The following SAXO1 variants were observed in gnomAD, a reference collection of about 807,000 sequenced individuals.
SAXO1 encodes stabilizer of axonemal microtubules 1, also known as 4930500O09Rik.
In SAXO1, 21 loss-of-function variants were observed where a neutral mutation model predicts 17.5. The ratio of observed to expected loss-of-function variants is 1.20; its 90% CI spans 0.85 to 1.72. SAXO1 has a LOEUF of 1.72. Among genes scored for constraint, SAXO1 ranks in the 40% most tolerant of loss-of-function variants. The pLI is 0.00. For synonymous variants in SAXO1, 274 were observed against 216.5 expected (o/e 1.27, Z -2.33); for missense variants, 843 against 596.0 (o/e 1.41, Z -4.32).
At position 18,941,846 on chromosome 9, in the gene SAXO1, G is replaced by T. The variant is rs1277226656; in HGVS notation, c.219-7C>A. On this transcript the variant is annotated splice_region_variant and splice_polypyrimidine_tract_variant and intron_variant, in intron 2 of 3. Coordinates refer to ENST00000380534, the MANE Select transcript of SAXO1 (RefSeq NM_153707.4). ...GTGAGGCCCAAAATCTCTCCTGTAA[G>T]GAAGCAAGTGCATGCTGTTGGGGTC... is the stretch of plus-strand genomic sequence containing the variant. 1 of 1,614,090 alleles carries T rather than the reference G, an allele frequency of 6.2e-7. No individual in the cohort carries two copies. The highest frequency in any genetic ancestry group is 1.1e-5 in the South Asian group (1 of 91,078).
chr9:19,017,684 C>T (rs1225511622), intron 1 of SAXO1, among the ~76,000 whole-genome samples: 1 of 152,254 alleles, frequency 6.6e-6, no homozygotes, highest in African/African-American at 2.4e-5. Flanking sequence ...GTTACTTCAA[C>T]CAAGAATCCT....
At chr9:19,037,710 C>T (rs558021934), upstream of SAXO1, among the ~76,000 whole-genome samples, 60 of 152,288 alleles carry the variant, frequency 3.9e-4, no homozygotes, top group Middle Eastern at 3.4e-3. Context: ...TTGACTAATA[C>T]ACCATCTAAA....
At chr9:19,033,478 G>A (rs1434309487), upstream of SAXO1, among the ~76,000 whole-genome samples, 1 of 152,252 alleles carries the variant, frequency 6.6e-6, no homozygotes, top group African/African-American at 2.4e-5. Flanking sequence ...CACCTTGGGT[G>A]GCATTTGCTA....
intron 1 of SAXO1, among the ~76,000 whole-genome samples, chr9:18,972,037 T>C (rs936664548): frequency 6.6e-6 from 1 of 152,232 alleles, no homozygotes; most frequent in Non-Finnish European, 1.5e-5. Flanking sequence ...TTTTGGTTTA[T>C]ATGTTTTCAT....
At chr9:18,948,689 G>A (rs1297738465) in intron 2 of SAXO1, among the ~76,000 whole-genome samples, 1 of 152,064 alleles carries the variant, frequency 6.6e-6, no homozygotes, top group Non-Finnish European at 1.5e-5. Context: ...TAGGTGTTGG[G>A]GCAGGTCTTC....
In SAXO1 at chr9:18,966,709, TTTG is replaced by T. The variant is rs368108997; in HGVS notation, c.39-15775_39-15773del. The stretch of plus-strand genomic sequence containing the variant: ...AACATGCTCCTTTGTCTTGGAAGAG[TTTG>T]TTATTATTCACCTTCTGAAGCCTAC... On this transcript the variant is annotated intron_variant, in intron 1 of 3. Coordinates refer to ENST00000380534, the MANE Select transcript of SAXO1 (RefSeq NM_153707.4). Among the ~76,000 whole-genome samples the T allele has an allele frequency of 1.4e-3, 211 of 152,232 alleles. 2 individuals are homozygous for T. Among genetic ancestry groups the T allele is most frequent in the South Asian group, 9.1e-3 (44 of 4,822 alleles).
At chr9:18,936,995 C>G (rs1338411395) in intron 3 of SAXO1, among the ~76,000 whole-genome samples, 1 of 152,072 alleles carries the variant, frequency 6.6e-6, no homozygotes, top group Non-Finnish European at 1.5e-5. Flanking sequence ...TAGATGGCAC[C>G]CACTGAAACA....
At chr9:19,034,577 A>C (rs903010434), upstream of SAXO1, among the ~76,000 whole-genome samples, 12 of 152,204 alleles carry the variant, frequency 7.9e-5, no homozygotes, top group Non-Finnish European at 2.9e-5. Flanking sequence ...ACAGAGAGAG[A>C]GTTCCAACCC....
chr9:18,957,376 T>C (rs915228702), intron 1 of SAXO1, among the ~76,000 whole-genome samples: 3 of 152,198 alleles, frequency 2.0e-5, no homozygotes, highest in Non-Finnish European at 4.4e-5. Context: ...AGTATACAGA[T>C]GTGGATGCTG....
chr9:18,999,880 C>G (rs1446773835), intron 1 of SAXO1, among the ~76,000 whole-genome samples: 1 of 145,336 alleles, frequency 6.9e-6, no homozygotes, highest in Admixed American at 6.8e-5. Flanking sequence ...AGGAGTGCCT[C>G]TACCCAGCCG....
intron 1 of SAXO1, among the ~76,000 whole-genome samples, chr9:19,017,632 T>C (rs531992730): frequency 6.6e-6 from 1 of 152,368 alleles, no homozygotes; most frequent in African/African-American, 2.4e-5. Context: ...TTCTGCAAAC[T>C]GCCCCACAGC....
At chr9:19,022,454 G>A (rs1835286425) in intron 1 of SAXO1, among the ~76,000 whole-genome samples, 1 of 152,194 alleles carries the variant, frequency 6.6e-6, no homozygotes, top group South Asian at 2.1e-4. Context: ...TGTGAAGCAA[G>A]ATAAAGAACA....
intron 1 of SAXO1, among the ~76,000 whole-genome samples, chr9:19,006,938 G>C (rs969248404): frequency 6.6e-6 from 1 of 152,036 alleles, no homozygotes; most frequent in Non-Finnish European, 1.5e-5. Flanking sequence ...CCAGTTACTC[G>C]GGAGGCTGAT....
chr9:18,947,073 G>T (rs1487585391), intron 2 of SAXO1, among the ~76,000 whole-genome samples: 4 of 152,188 alleles, frequency 2.6e-5, no homozygotes, highest in Non-Finnish European at 5.9e-5. Context: ...ATACAGTATA[G>T]ACAATTCAAA....
intron 1 of SAXO1, among the ~76,000 whole-genome samples, chr9:19,009,246 T>A (rs1834619449): frequency 6.6e-6 from 1 of 151,244 alleles, no homozygotes; most frequent in African/African-American, 2.4e-5. Context: ...CTGCCAAATT[T>A]AAAAAAAAAA....
At chr9:19,030,265 G>A (rs770939188) in intron 1 of SAXO1, among the ~76,000 whole-genome samples, 18 of 152,054 alleles carry the variant, frequency 1.2e-4, no homozygotes, top group Non-Finnish European at 2.4e-4. Flanking sequence ...TCATGTAAGG[G>A]AATCATGGGA....
intron 1 of SAXO1, among the ~76,000 whole-genome samples, chr9:19,020,437 C>T (rs562052772): frequency 5.9e-5 from 9 of 152,068 alleles, no homozygotes; most frequent in African/African-American, 1.4e-4. Flanking sequence ...CTGCAACCTC[C>T]GCCTCCAAGG....
chr9:18,970,181 T>C (rs2225127), intron 1 of SAXO1, among the ~76,000 whole-genome samples: 24,240 of 152,208 alleles, frequency 0.16, 3,946 homozygotes, highest in African/African-American at 0.42. Context: ...GATGTTTGGC[T>C]TGATGTGTGA....
chr9:18,953,187 G>A (rs902686489), intron 1 of SAXO1, among the ~76,000 whole-genome samples: 51 of 152,186 alleles, frequency 3.4e-4, no homozygotes, highest in African/African-American at 1.2e-3. Flanking sequence ...GAAAAGTCAA[G>A]ATTTTATTCA....
Sources: allele counts gnomAD v4.1 joint callset (sites outside exome capture counted in the v4.1 genomes callset), GRCh38; gene constraint gnomAD v4.1.1; transcripts MANE v1.5; gene names NCBI Gene and HGNC (gene_info 2026-07-23, HGNC 2026-07-21).